CDH13: variants seen among roughly 807,000 people sequenced by gnomAD.
The protein encoded by CDH13 is cadherin-13.
In CDH13, 24 loss-of-function variants were observed where a neutral mutation model predicts 63.8. The observed-to-expected ratio is 0.38, with a 90% CI of 0.27 to 0.53. The LOEUF (loss-of-function observed/expected upper bound fraction) is 0.53, where lower values mean the gene tolerates loss of function less well. Among genes scored for constraint, CDH13 ranks in the 20% least tolerant of loss-of-function variants. The probability of loss-of-function intolerance (pLI) is 0.85; values close to 1 mark genes in which losing one functional copy is unlikely to be tolerated. For synonymous variants in CDH13, 503 were observed against 355.3 expected (o/e 1.42, Z -4.67); for missense variants, 1,049 against 903.1 (o/e 1.16, Z -2.07).
intron 7 of CDH13, among the ~76,000 whole-genome samples, chr16:83,555,607 A>G (rs1425558153): frequency 6.6e-6 from 1 of 152,248 alleles, no homozygotes; most frequent in South Asian, 2.1e-4. Context: ...ATGATGTGTG[A>G]TACTTAGCAT....
chr16:83,058,716 G>A (rs1265604507), intron 3 of CDH13, among the ~76,000 whole-genome samples: 1 of 152,172 alleles, frequency 6.6e-6, no homozygotes, highest in Non-Finnish European at 1.5e-5. Flanking sequence ...AGAGTCTTAT[G>A]TAGTGCATTA....
At chr16:82,871,859 C>A (rs1277140849) in intron 2 of CDH13, among the ~76,000 whole-genome samples, 1 of 152,170 alleles carries the variant, frequency 6.6e-6, no homozygotes. Flanking sequence ...AGATGGCCAC[C>A]AGCAATTCCA....
chr16:82,722,688 C>G (rs776428322), intron 1 of CDH13, among the ~76,000 whole-genome samples: 2 of 152,138 alleles, frequency 1.3e-5, no homozygotes, highest in Non-Finnish European at 2.9e-5. Flanking sequence ...GGACAGGTAC[C>G]TACTACGAGC....
chr16:83,509,890 A>G (rs1476666564), intron 7 of CDH13, among the ~76,000 whole-genome samples: 1 of 152,226 alleles, frequency 6.6e-6, no homozygotes, highest in East Asian at 1.9e-4. Context: ...CAGAGAGGGT[A>G]GATGACTGGC....
intron 3 of CDH13, among the ~76,000 whole-genome samples, chr16:83,074,776 A>G (rs1337234501): frequency 3.9e-5 from 6 of 152,202 alleles, no homozygotes; most frequent in Admixed American, 3.9e-4. Context: ...CAGAAAAGGA[A>G]GCTAAAGCCA....
At chr16:83,265,716 C>G (rs980077059) in intron 5 of CDH13, among the ~76,000 whole-genome samples, 11 of 71,226 alleles carry the variant, frequency 1.5e-4, no homozygotes, top group African/African-American at 6.2e-4. Context: ...TCTGTTGCTT[C>G]TAAATTTCTG....
At chr16:82,860,101 C>G (rs896934372) in intron 2 of CDH13, among the ~76,000 whole-genome samples, 1 of 152,074 alleles carries the variant, frequency 6.6e-6, no homozygotes, top group Non-Finnish European at 1.5e-5. Context: ...TTCTGGCTCT[C>G]CTCTCCTCTC....
intron 6 of CDH13, among the ~76,000 whole-genome samples, chr16:83,455,885 C>T (rs977877781): frequency 3.3e-5 from 5 of 152,210 alleles, no homozygotes; most frequent in Non-Finnish European, 2.9e-5. Context: ...TTTCATCTCT[C>T]GCAGCTCTGG....
At position 83,201,894 on chromosome 16, in the gene CDH13, A is replaced by G. The variant is rs890610970; in HGVS notation, c.484-15451A>G. 2.6e-5 allele frequency among the ~76,000 whole-genome samples: 4 copies of G among 152,168 alleles called. No individual in the cohort carries two copies. The South Asian group carries it at 8.3e-4, about 32-fold the overall frequency. On this transcript the variant is annotated intron_variant, in intron 4 of 13. Transcript: ENST00000567109. Reference sequence around the variant, plus strand: ...CACGCAACTGCACTCCAGCCTAGGCAACAGAGCGAGACTCTGTCTCAAAAA... The same window carrying G: ...CACGCAACTGCACTCCAGCCTAGGCGACAGAGCGAGACTCTGTCTCAAAAA...
intron 2 of CDH13, among the ~76,000 whole-genome samples, chr16:82,979,405 C>G (rs751792558): frequency 6.6e-6 from 1 of 152,110 alleles, no homozygotes; most frequent in African/African-American, 2.4e-5. Context: ...CAAATTTCAT[C>G]TTGAATTATA....
intron 11 of CDH13, among the ~76,000 whole-genome samples, chr16:83,751,959 A>T (rs1913122424): frequency 6.6e-6 from 1 of 152,280 alleles, no homozygotes; most frequent in Non-Finnish European, 1.5e-5. Flanking sequence ...GGAGTTGCCC[A>T]TGCAGAAGAG....
chr16:82,786,625 A>G (rs1048501195), intron 1 of CDH13, among the ~76,000 whole-genome samples: 2 of 150,544 alleles, frequency 1.3e-5, no homozygotes, highest in Admixed American at 6.6e-5. Context: ...CATTTACATT[A>G]GGTATATCTC....
At chr16:82,770,868 C>T (rs1386134510) in intron 1 of CDH13, among the ~76,000 whole-genome samples, 2 of 151,982 alleles carry the variant, frequency 1.3e-5, no homozygotes, top group East Asian at 1.9e-4. Flanking sequence ...CTGCCATGCC[C>T]GGCTAATGTT....
intron 5 of CDH13, among the ~76,000 whole-genome samples, chr16:83,259,265 A>G (rs1261191843): frequency 6.6e-6 from 1 of 152,194 alleles, no homozygotes; most frequent in East Asian, 1.9e-4. Context: ...GCTAATGAGA[A>G]TCTGGTATCC....
chr16:82,913,326 G>T (rs2041891033), intron 2 of CDH13, among the ~76,000 whole-genome samples: 1 of 152,148 alleles, frequency 6.6e-6, no homozygotes, highest in African/African-American at 2.4e-5. Context: ...TTCAGAATGT[G>T]CAGGGATGTC....
chr16:83,259,420 A>C (rs560439024), intron 5 of CDH13, among the ~76,000 whole-genome samples: 8 of 152,260 alleles, frequency 5.3e-5, no homozygotes, highest in African/African-American at 1.9e-4. Flanking sequence ...ACAGCCCCTC[A>C]GGTATGGCTG....
chr16:83,569,572 A>T (rs1305992019), intron 7 of CDH13, among the ~76,000 whole-genome samples: 1 of 152,194 alleles, frequency 6.6e-6, no homozygotes, highest in Non-Finnish European at 1.5e-5. Context: ...CACATTTTCC[A>T]TCAGGCTCAA....
chr16:83,405,875 T>G (rs934096072), intron 6 of CDH13, among the ~76,000 whole-genome samples: 1 of 97,992 alleles, frequency 1.0e-5, no homozygotes, highest in Non-Finnish European at 2.3e-5. Flanking sequence ...GAAATATAGC[T>G]GCTTAGTTAA....
intron 7 of CDH13, among the ~76,000 whole-genome samples, chr16:83,509,357 C>A (rs1192718412): frequency 1.3e-5 from 2 of 152,224 alleles, no homozygotes; most frequent in African/African-American, 2.4e-5. Context: ...GAGCACTGAT[C>A]TGCAGATTTT....
Sources: allele counts gnomAD v4.1 joint callset (sites outside exome capture counted in the v4.1 genomes callset), GRCh38; gene constraint gnomAD v4.1.1; transcripts MANE v1.5; gene names NCBI Gene and HGNC (gene_info 2026-07-23, HGNC 2026-07-21).